The following PREPL variants were observed in gnomAD, a reference collection of about 807,000 sequenced individuals.
The protein encoded by PREPL is prolyl endopeptidase-like.
A neutral mutation model predicts 70.6 loss-of-function variants in PREPL; 77 were observed. The observed-to-expected ratio is 1.09, with a 90% CI of 0.91 to 1.32. The LOEUF (loss-of-function observed/expected upper bound fraction) is 1.32. Among genes scored for constraint, PREPL ranks in the 40% most tolerant of loss-of-function variants. The pLI is 0.00. For missense variants in PREPL, 1,002 were observed against 778.2 expected, an observed-to-expected ratio of 1.29 and a Z score of -3.42; for synonymous variants, 315 against 264.8, an observed-to-expected ratio of 1.19 and a Z score of -1.84.
chr2:44,330,762 A>G (rs1369480144), intron 8 of PREPL, among the ~76,000 whole-genome samples: 2 of 152,342 alleles, frequency 1.3e-5, no homozygotes, highest in South Asian at 2.1e-4. Flanking sequence ...GTTTCCTTAA[A>G]TTCAAGGCTA....
intron 1 of PREPL, chr2:44,359,426 AC>A: frequency 1.7e-6 from 2 of 1,150,914 alleles, no homozygotes; most frequent in South Asian, 1.5e-5. Flanking sequence ...CTGATATTCT[AC>A]CCATTCTTTA....
In PREPL at chr2:44,319,173, C is replaced by T. The variant is rs1672703062; in HGVS notation, c.*2183G>A. On this transcript the variant is annotated 3_prime_UTR_variant, in exon 14 of 14. Coordinates refer to ENST00000409411, the MANE Select transcript of PREPL (RefSeq NM_001171613.2). ...ACACCATTAGATAATTATTTAAAGA[C>T]CACATATTGGGAACCTACCCCTAAA... 6.6e-6 allele frequency: 1 copy of T among 152,528 alleles called. No homozygotes were observed. The allele number at this position is 152,528 out of a possible 1,614,324, so 9.4% of individuals were successfully genotyped here. A position where few individuals can be genotyped will look rare whatever the true frequency, so the allele number is the denominator to read the frequency against.
At chr2:44,343,686 G>GTTTTTTTCATTTTTTCAATGAAACAC in intron 4 of PREPL, 59 bp downstream of exon 4, 1 of 1,492,248 alleles carries the variant, frequency 6.7e-7, no homozygotes, top group Non-Finnish European at 9.3e-7. Flanking sequence ...ACAAAAAAAT[G>GTTTTTTTCATTTTTTCAATGAAACAC]TTTCAAAAGT....
At chr2:44,321,524 C>T in intron 13 of PREPL, 79 bp from the exon 14 acceptor site, 1 of 1,545,824 alleles carries the variant, frequency 6.5e-7, no homozygotes. Context: ...CTTTATCTAT[C>T]CATCTTTACC....
chr2:44,319,775 A>C lies in PREPL; in HGVS notation c.*1581T>G, dbSNP rs1300546201. ...ACAACAGCAACCTACACATTAGTCT[A>C]CAAAGGGGAACAAACCCAAATTCCT... On this transcript the variant is annotated 3_prime_UTR_variant, in exon 14 of 14. Coordinates refer to ENST00000409411, the MANE Select transcript of PREPL (RefSeq NM_001171613.2). 5.7e-6 allele frequency: 1 copy of C among 175,128 alleles called. No homozygotes were observed. Among genetic ancestry groups the C allele is most frequent in the East Asian group, 1.5e-4 (1 of 6,674 alleles). 10.8% of individuals were successfully genotyped at this position (175,128 alleles called of 1,614,324 possible). A position where few individuals can be genotyped will look rare whatever the true frequency, so the allele number is the denominator to read the frequency against.
At chr2:44,359,816 T>C in intron 1 of PREPL, 1 of 769,102 alleles carries the variant, frequency 1.3e-6, no homozygotes, top group Non-Finnish European at 2.1e-6. Context: ...GTAACTAAGA[T>C]CAGCAGTTCT....
intron 1 of PREPL, among the ~76,000 whole-genome samples, chr2:44,358,351 A>C (rs1387954571): frequency 6.6e-6 from 1 of 152,214 alleles, no homozygotes; most frequent in Admixed American, 6.5e-5. Context: ...GAAAGGAGGA[A>C]GCCAAAACAG....
At chr2:44,321,751 T>G (rs1242771884) in intron 13 of PREPL, 76 bp downstream of exon 13, 2 of 1,612,478 alleles carry the variant, frequency 1.2e-6, no homozygotes, top group South Asian at 1.1e-5. Context: ...ATAAACCTGC[T>G]GCAACCACTG....
At chr2:44,325,116 C>G (rs1673363994) in intron 10 of PREPL, among the ~76,000 whole-genome samples, 2 of 152,310 alleles carry the variant, frequency 1.3e-5, no homozygotes, top group Non-Finnish European at 2.9e-5. Flanking sequence ...TCAGCTAGAG[C>G]CTGCCTCTCA....
chr2:44,340,162 G>T (rs370470539), intron 5 of PREPL, among the ~76,000 whole-genome samples: 68 of 151,766 alleles, frequency 4.5e-4, no homozygotes, highest in South Asian at 1.9e-3. Context: ...AGGTTTAATG[G>T]CTACCTAATA....
intron 6 of PREPL, among the ~76,000 whole-genome samples, chr2:44,338,863 T>G (rs1191005221): frequency 1.3e-5 from 2 of 152,234 alleles, no homozygotes; most frequent in Non-Finnish European, 1.5e-5. Context: ...CAATCCAAAT[T>G]GCCAACTCAT....
At chr2:44,331,218 C>T (rs923654354) in intron 8 of PREPL, among the ~76,000 whole-genome samples, 2 of 152,158 alleles carry the variant, frequency 1.3e-5, no homozygotes, top group South Asian at 2.1e-4. Flanking sequence ...GTTGGGATTA[C>T]AAGTTTGAGC....
rs924993332 is a variant in PREPL, at chr2:44,321,082, G to C, written c.*274C>G. 9 of 433,452 alleles carry C rather than the reference G, an allele frequency of 2.1e-5. No homozygotes were observed. Among genetic ancestry groups the C allele is most frequent in the African/African-American group, 1.2e-4 (6 of 50,236 alleles). 26.9% of individuals were successfully genotyped at this position (433,452 alleles called of 1,614,324 possible). On this transcript the variant is annotated 3_prime_UTR_variant, in exon 14 of 14. Coordinates refer to ENST00000409411, the MANE Select transcript of PREPL (RefSeq NM_001171613.2). ...GACTGGAAGGGAGGCCTGGAGCTCT[G>C]CTATCACCAATCCTTCCCTTCCCTC...
At chr2:44,355,894 A>G (rs1676990554) in intron 1 of PREPL, among the ~76,000 whole-genome samples, 1 of 151,960 alleles carries the variant, frequency 6.6e-6, no homozygotes, top group Admixed American at 6.6e-5. Context: ...TTAATTATAC[A>G]ATTTCATTTT....
intron 1 of PREPL, among the ~76,000 whole-genome samples, chr2:44,356,950 G>A (rs1035984626): frequency 2.6e-5 from 4 of 152,056 alleles, no homozygotes; most frequent in African/African-American, 4.8e-5. Context: ...GATTACAGGC[G>A]TGCGCCACCA....
chr2:44,353,327 T>G (rs1558519113), intron 1 of PREPL, among the ~76,000 whole-genome samples: 1 of 152,106 alleles, frequency 6.6e-6, no homozygotes, highest in Non-Finnish European at 1.5e-5. Flanking sequence ...CTCATGCCTG[T>G]AATCCCAGCA....
upstream of PREPL, chr2:44,361,769 T>G (rs1677851555): frequency 3.4e-6 from 2 of 588,772 alleles, no homozygotes; most frequent in Non-Finnish European, 5.2e-6. Context: ...TCTCATCCTC[T>G]GGTCCGCCCT....
intron 5 of PREPL, among the ~76,000 whole-genome samples, chr2:44,341,058 G>A (rs192425996): frequency 2.0e-5 from 3 of 151,446 alleles, no homozygotes; most frequent in East Asian, 1.9e-4. Context: ...AATATTTTAC[G>A]TAATCGAGAC....
rs1380689005 is a variant in PREPL, at chr2:44,318,875, T to C, written c.*2481A>G. 6.6e-6 allele frequency: 1 copy of C among 152,170 alleles called. No homozygotes were observed. The highest frequency in any genetic ancestry group is 1.5e-5 in the Non-Finnish European group (1 of 68,032). 9.4% of individuals were successfully genotyped at this position (152,170 alleles called of 1,614,324 possible). On this transcript the variant is annotated 3_prime_UTR_variant, in exon 14 of 14. Coordinates refer to ENST00000409411, the MANE Select transcript of PREPL (RefSeq NM_001171613.2). ...AAAACATTCCACCAAAAATCATGAC[T>C]ACGCATCTAACAGCTTCAAAATATA...
Sources: allele counts gnomAD v4.1 joint callset (sites outside exome capture counted in the v4.1 genomes callset), GRCh38; gene constraint gnomAD v4.1.1; transcripts MANE v1.5; gene names NCBI Gene and HGNC (gene_info 2026-07-23, HGNC 2026-07-21).